Variants in CACNG3 observed in about 807,000 individuals in gnomAD.
The protein encoded by CACNG3 is calcium voltage-gated channel auxiliary subunit gamma 3, also known as voltage-dependent calcium channel gamma-3 subunit.
Under a neutral mutation model 28.5 loss-of-function variants are expected in CACNG3, and 3 were observed. The observed-to-expected ratio is 0.11, with a 90% confidence interval of 0.05 to 0.27. The LOEUF (loss-of-function observed/expected upper bound fraction) is 0.27, where lower values mean the gene tolerates loss of function less well. CACNG3 is among the 10% of genes least tolerant of loss of function. The probability of loss-of-function intolerance (pLI) is 1.00; values close to 1 mark genes in which losing one functional copy is unlikely to be tolerated. For synonymous variants in CACNG3, 174 were observed against 162.2 expected (o/e 1.07, Z -0.55); for missense variants, 236 against 414.4 (o/e 0.57, Z 3.74).
Position 24,352,926 on chromosome 16 carries a change from A to G in CACNG3, c.296-1907A>G, listed in dbSNP as rs182393018. Among the ~76,000 whole-genome samples the G allele has an allele frequency of 2.7e-3, 406 of 152,096 alleles. 1 individual carries two copies. Among genetic ancestry groups the G allele is most frequent in the African/African-American group, 9.0e-3 (372 of 41,492 alleles). ...CTTGGTTCCATGTTCTGCTGTCACT[A>G]TCTTGAAATTCTTAACAATTCTGGA... On this transcript the variant is annotated intron_variant, in intron 2 of 3. Transcript: ENST00000005284.
intron 1 of CACNG3, among the ~76,000 whole-genome samples, chr16:24,286,942 C>T (rs983236791): frequency 2.6e-5 from 4 of 152,204 alleles, no homozygotes; most frequent in African/African-American, 7.2e-5. Flanking sequence ...AGGAAGGCTC[C>T]TGTGCAAGGT....
chr16:24,328,811 G>A (rs982316652), intron 1 of CACNG3, among the ~76,000 whole-genome samples: 3 of 152,070 alleles, frequency 2.0e-5, no homozygotes, highest in African/African-American at 7.2e-5. Context: ...ATCCACAGGC[G>A]GGCATCGTGT....
intron 3 of CACNG3, among the ~76,000 whole-genome samples, chr16:24,357,131 G>A (rs1357609405): frequency 6.6e-6 from 1 of 151,696 alleles, no homozygotes; most frequent in Non-Finnish European, 1.5e-5. Flanking sequence ...TTACTTGGGA[G>A]GCTGAGGCAG....
intron 1 of CACNG3, among the ~76,000 whole-genome samples, chr16:24,317,554 A>AAAAAAG (rs1899369725): frequency 1.2e-5 from 1 of 85,330 alleles, no homozygotes; most frequent in South Asian, 4.5e-4. Flanking sequence ...AAAAAAAAGA[A>AAAAAAG]AAAGAAAGAA....
chr16:24,338,051 G>A (rs1299313939), intron 1 of CACNG3, among the ~76,000 whole-genome samples: 1 of 152,006 alleles, frequency 6.6e-6, no homozygotes, highest in Non-Finnish European at 1.5e-5. Context: ...AAGGGCAGCT[G>A]ATGGACCCAG....
At position 24,256,856 on chromosome 16, in the gene CACNG3, A is replaced by G. The variant is rs755825355; in HGVS notation, c.102A>G (p.Leu34=). ...TTGCAGTGGGCACGGACTACTGGTT[A>G]TATTCCAGAGGTGTGTGCAGGACTA... ...MTIAVGTDYW[L]YSRGVCRTKS... Residue 34 remains leucine, a synonymous_variant, in exon 1 of 4, where the codon TTA becomes TTG. Coordinates refer to ENST00000005284, the MANE Select transcript of CACNG3 (RefSeq NM_006539.4). This position sits in a 1 kb window ranked among gnomAD's most constrained non-coding sequence, Gnocchi z 4.6. The G allele has an allele frequency of 9.3e-6, 15 of 1,613,154 alleles. No individual in the cohort carries two copies. The highest frequency in any genetic ancestry group is 1.2e-5 in the Non-Finnish European group (14 of 1,179,146).
At chr16:24,268,013 C>T (rs1898637880) in intron 1 of CACNG3, among the ~76,000 whole-genome samples, 1 of 152,178 alleles carries the variant, frequency 6.6e-6, no homozygotes, top group African/African-American at 2.4e-5. Flanking sequence ...ATTTATTTAA[C>T]AGACACACGC....
intron 1 of CACNG3, among the ~76,000 whole-genome samples, chr16:24,290,046 A>G (rs935731448): frequency 1.3e-5 from 2 of 152,266 alleles, no homozygotes; most frequent in Non-Finnish European, 2.9e-5. Context: ...TAAGACAAAG[A>G]CCATCATAGA....
chr16:24,260,138 C>T (rs1188101261), intron 1 of CACNG3, among the ~76,000 whole-genome samples: 1 of 152,200 alleles, frequency 6.6e-6, no homozygotes, highest in Admixed American at 6.5e-5. Flanking sequence ...GTGACATGAT[C>T]AGCCAAACCA....
intron 1 of CACNG3, among the ~76,000 whole-genome samples, chr16:24,305,954 C>T (rs956523428): frequency 3.4e-4 from 52 of 152,064 alleles, no homozygotes; most frequent in Non-Finnish European, 1.5e-4. Context: ...ATTGCAGGTG[C>T]GAGCCACTGT....
intron 1 of CACNG3, among the ~76,000 whole-genome samples, chr16:24,257,366 G>GGGC (rs1198162869): frequency 9.4e-6 from 1 of 106,490 alleles, no homozygotes; most frequent in Non-Finnish European, 1.9e-5. Flanking sequence ...AGAAGTGAGG[G>GGGC]GGGAGAGAGA....
chr16:24,362,147 T>G lies in CACNG3; in HGVS notation c.*284T>G. 1.3e-5 allele frequency: 4 copies of G among 297,514 alleles called. No individual in the cohort carries two copies. The highest frequency in any genetic ancestry group is 5.7e-5 in the East Asian group (1 of 17,666). The allele number at this position is 297,514 out of a possible 1,614,324, so 18.4% of individuals were successfully genotyped here. On this transcript the variant is annotated 3_prime_UTR_variant, in exon 4 of 4. Transcript: ENST00000005284. Reference sequence around the variant, plus strand: ...CTTTACTGGAAGGACCTCCACATTCTTCCCTCCTTGGAAGAGGACTTTACT... The same window carrying G: ...CTTTACTGGAAGGACCTCCACATTCGTCCCTCCTTGGAAGAGGACTTTACT...
At chr16:24,356,438 A>T (rs2141384529) in intron 3 of CACNG3, among the ~76,000 whole-genome samples, 1 of 152,356 alleles carries the variant, frequency 6.6e-6, no homozygotes, top group East Asian at 1.9e-4. Context: ...TTGGTGGCTC[A>T]TGCCTGTAAT....
intron 1 of CACNG3, among the ~76,000 whole-genome samples, chr16:24,262,757 CT>C (rs1898553031): frequency 6.6e-6 from 1 of 152,230 alleles, no homozygotes; most frequent in Non-Finnish European, 1.5e-5. Context: ...ACCCAATCTT[CT>C]ACCTGACTGT....
chr16:24,285,845 C>CTTTTTTTTT (rs11406086), intron 1 of CACNG3, among the ~76,000 whole-genome samples: 2 of 131,636 alleles, frequency 1.5e-5, no homozygotes, highest in Non-Finnish European at 3.2e-5. Flanking sequence ...TCTTTCTTTT[C>CTTTTTTTTT]TTTTTTTTTT....
At chr16:24,257,024 G>A (rs1228201073) in intron 1 of CACNG3, 59 bp downstream of exon 1, 2 of 1,054,866 alleles carry the variant, frequency 1.9e-6, no homozygotes, top group Admixed American at 1.8e-5. Flanking sequence ...TCTGGTGGGT[G>A]TTTGGAGGAG....
chr16:24,327,352 C>G (rs1411974911), intron 1 of CACNG3, among the ~76,000 whole-genome samples: 3 of 149,100 alleles, frequency 2.0e-5, no homozygotes, highest in African/African-American at 7.4e-5. Context: ...TGAGCCCTCA[C>G]TTCGAACTCC....
At position 24,256,762 on chromosome 16, in the gene CACNG3, T is replaced by A. The variant is rs1274847303; in HGVS notation, c.8T>A (p.Met3Lys). The change falls in exon 1 of 4, where the codon ATG becomes AAG. Residue 3 changes from methionine to lysine, a missense_variant. Physicochemically the swap from Met to Lys is moderately conservative, Grantham distance 95. This residue lies in a region of CACNG3 where 120 missense variants were observed against 263.4 expected (regional missense o/e 0.46). Transcript: ENST00000005284. The surrounding 1 kb of genome is among the most constrained non-coding windows in gnomAD (Gnocchi z 4.6). ...AGAGTACCATGAAGAATTATGAGGATGTGTGACAGAGGTATCCAGATGTTG... is the reference window on the plus strand; with the variant it reads ...AGAGTACCATGAAGAATTATGAGGAAGTGTGACAGAGGTATCCAGATGTTG... MR[M>K]CDRGIQMLIT... The A allele has an allele frequency of 6.2e-7, 1 of 1,609,304 alleles. No homozygotes were observed. The highest frequency in any genetic ancestry group is 8.5e-7 in the Non-Finnish European group (1 of 1,175,680).
intron 2 of CACNG3, among the ~76,000 whole-genome samples, chr16:24,354,376 TTG>T (rs1900000258): frequency 6.6e-6 from 1 of 152,034 alleles, no homozygotes; most frequent in Non-Finnish European, 1.5e-5. Flanking sequence ...CTGACTCTCC[TTG>T]TGTCCGTGCC....
Sources: gnomAD v4.1 joint callset for allele counts (sites outside exome capture counted in the v4.1 genomes callset) on GRCh38, gnomAD v4.1.1 for gene constraint, gnomAD v4.1.1 regional missense constraint, Gnocchi (gnomAD v3.1) non-coding constraint, MANE v1.5 for transcripts, NCBI Gene and HGNC (gene_info 2026-07-23, HGNC 2026-07-21) for gene names.